The following HMCN1 variants were observed in gnomAD, a reference collection of about 807,000 sequenced individuals.
HMCN1 encodes hemicentin 1.
Under a neutral mutation model 625.9 loss-of-function variants are expected in HMCN1, and 321 were observed. That is an observed-to-expected ratio of 0.51 (90% confidence interval 0.47 to 0.56). The LOEUF (loss-of-function observed/expected upper bound fraction) is 0.56, where lower values mean the gene tolerates loss of function less well. HMCN1 is among the 20% of genes least tolerant of loss of function. HMCN1 has a pLI of 0.00. For synonymous variants in HMCN1, 2,425 were observed against 2,417.6 expected (o/e 1.00, Z -0.09); for missense variants, 6,588 against 6,887.3 (o/e 0.96, Z 1.54).
intron 25 of HMCN1, among the ~76,000 whole-genome samples, chr1:185,998,096 G>A (rs1652931842): frequency 6.6e-6 from 1 of 152,000 alleles, no homozygotes; most frequent in South Asian, 2.1e-4. Flanking sequence ...TTCTCCTCAG[G>A]GGAATGTGAA....
At chr1:186,129,905 C>A in intron 83 of HMCN1, 61 bp from the exon 84 acceptor site, 2 of 1,600,552 alleles carry the variant, frequency 1.2e-6, no homozygotes, top group Non-Finnish European at 1.7e-6. Context: ...AAATACTGAG[C>A]TGTCGTGAAA....
Position 186,187,174 on chromosome 1 carries a change from GA to G in HMCN1, c.16415-708del, listed in dbSNP as rs1653381886. 2.6e-5 allele frequency among the ~76,000 whole-genome samples: 4 copies of G among 151,970 alleles called. No homozygotes were observed. The South Asian group carries it at 8.3e-4, about 32-fold the overall frequency. On this transcript the variant is annotated intron_variant, in intron 105 of 106. Coordinates refer to ENST00000271588, the MANE Select transcript of HMCN1 (RefSeq NM_031935.3). ...TTAGTGTAGAAAACAACAAAATAAA[GA>G]GTATTTCTTTTGCGTATTTTCCCCA... is the stretch of plus-strand genomic sequence containing the variant.
intron 68 of HMCN1, among the ~76,000 whole-genome samples, chr1:186,102,012 G>T (rs1660405689): frequency 6.6e-6 from 1 of 152,130 alleles, no homozygotes; most frequent in African/African-American, 2.4e-5. Flanking sequence ...TGAGGAGCAA[G>T]AAAGGACGAA....
intron 1 of HMCN1, among the ~76,000 whole-genome samples, chr1:185,807,615 G>C (rs1557984741): frequency 1.3e-5 from 2 of 152,090 alleles, no homozygotes; most frequent in South Asian, 2.1e-4. Flanking sequence ...GTATTACTTT[G>C]TTTTGGTGTT....
chr1:186,183,174 C>A (rs1420507821), intron 105 of HMCN1, among the ~76,000 whole-genome samples: 1 of 152,084 alleles, frequency 6.6e-6, no homozygotes, highest in African/African-American at 2.4e-5. Flanking sequence ...TAAAGTATAG[C>A]AAATAAAAGC....
rs974627351 is a variant in HMCN1, at chr1:185,907,548, T to C, written c.622-1789T>C. Among the ~76,000 whole-genome samples, 6 of 152,040 alleles carry C rather than the reference T, an allele frequency of 3.9e-5. No homozygotes were observed. In the East Asian group the frequency reaches 1.2e-3, roughly 29 times the overall value. On this transcript the variant is annotated intron_variant, in intron 4 of 106. Transcript: ENST00000271588. ...GTAGTCACTCATGTTCTCAACATATTTGGAGTACTTCGGTCTCTGTCTCAG... is the reference window on the plus strand; with the variant it reads ...GTAGTCACTCATGTTCTCAACATATCTGGAGTACTTCGGTCTCTGTCTCAG...
chr1:185,993,835 G>A (rs1652604491), intron 23 of HMCN1, among the ~76,000 whole-genome samples: 1 of 151,960 alleles, frequency 6.6e-6, no homozygotes, highest in Non-Finnish European at 1.5e-5. Context: ...CTCTACACCA[G>A]GCATTGTTTA....
rs1267709037 is a variant in HMCN1, at chr1:185,994,885, T to C, written c.3576T>C (p.Cys1192=). The C allele has an allele frequency of 5.6e-6, 9 of 1,613,680 alleles. No homozygotes were observed. The highest frequency in any genetic ancestry group is 1.3e-5 in the African/African-American group (1 of 74,912). The change falls in exon 24 of 107, where the codon TGT becomes TGC. Residue 1192 remains cysteine, a synonymous_variant. Coordinates refer to ENST00000271588, the MANE Select transcript of HMCN1 (RefSeq NM_031935.3). ...TTGGTCAAAGAGTGGATATTCCATG[T>C]AATGCTCAAGGGACTCCTCTTCCTG... ...VQVGQRVDIP[C]NAQGTPLPVI... is the part of the protein sequence containing the mutation.
At chr1:185,873,219 C>T (rs1465910009) in intron 4 of HMCN1, among the ~76,000 whole-genome samples, 1 of 152,106 alleles carries the variant, frequency 6.6e-6, no homozygotes, top group Non-Finnish European at 1.5e-5. Flanking sequence ...CAGTCAATTA[C>T]CTGCATTGCT....
intron 71 of HMCN1, among the ~76,000 whole-genome samples, chr1:186,110,724 T>C (rs538393469): frequency 6.6e-6 from 1 of 152,184 alleles, no homozygotes; most frequent in South Asian, 2.1e-4. Flanking sequence ...AGGGGAGGTA[T>C]GAGACCCAGG....
At chr1:186,153,037 T>C (rs565642833) in intron 96 of HMCN1, among the ~76,000 whole-genome samples, 166 bp downstream of exon 96, 14 of 152,248 alleles carry the variant, frequency 9.2e-5, no homozygotes, top group African/African-American at 3.4e-4. Flanking sequence ...CAGGGACAAG[T>C]TTTTACAAAC....
intron 19 of HMCN1, among the ~76,000 whole-genome samples, chr1:185,985,416 G>T (rs2102012871): frequency 6.6e-6 from 1 of 152,118 alleles, no homozygotes; most frequent in South Asian, 2.1e-4. Context: ...ATCTCTCTTT[G>T]ACTTCTAGTG....
chr1:185,735,407 T>G (rs1043944750), intron 1 of HMCN1, among the ~76,000 whole-genome samples: 2 of 152,196 alleles, frequency 1.3e-5, no homozygotes, highest in Non-Finnish European at 2.9e-5. Flanking sequence ...TGGACACGAA[T>G]TTATAGCAGC....
intron 6 of HMCN1, among the ~76,000 whole-genome samples, chr1:185,917,062 A>C (rs1286311448): frequency 6.6e-6 from 1 of 152,162 alleles, no homozygotes; most frequent in East Asian, 1.9e-4. Flanking sequence ...TGACTCATGG[A>C]GAGTCAATGA....
At chr1:185,794,515 C>G (rs1343574942) in intron 1 of HMCN1, among the ~76,000 whole-genome samples, 1 of 150,222 alleles carries the variant, frequency 6.7e-6, no homozygotes, top group Non-Finnish European at 1.5e-5. Context: ...AAAAAGAGAA[C>G]TTGGAGTTTG....
At chr1:186,015,863 T>C in intron 31 of HMCN1, 95 bp from the exon 32 acceptor site, 1 of 1,207,486 alleles carries the variant, frequency 8.3e-7, no homozygotes, top group Non-Finnish European at 1.2e-6. Context: ...TGGTCAAACT[T>C]TGTGAGAAAA....
intron 1 of HMCN1, among the ~76,000 whole-genome samples, chr1:185,738,246 A>G (rs1210986539): frequency 6.6e-6 from 1 of 152,188 alleles, no homozygotes; most frequent in Non-Finnish European, 1.5e-5. Flanking sequence ...GCCACAGTCC[A>G]TTGTAGAACA....
At chr1:185,881,930 C>G (rs1205484606) in intron 4 of HMCN1, among the ~76,000 whole-genome samples, 1 of 152,090 alleles carries the variant, frequency 6.6e-6, no homozygotes, top group Non-Finnish European at 1.5e-5. Context: ...AGTGTTTTCT[C>G]TTTTTGGATT....
At chr1:185,739,405 A>G (rs1156335459) in intron 1 of HMCN1, among the ~76,000 whole-genome samples, 1 of 152,198 alleles carries the variant, frequency 6.6e-6, no homozygotes, top group Non-Finnish European at 1.5e-5. Context: ...TTGAAATACA[A>G]CATTGAGGAG....
Sources: allele counts gnomAD v4.1 joint callset (sites outside exome capture counted in the v4.1 genomes callset), GRCh38; gene constraint gnomAD v4.1.1; transcripts MANE v1.5; gene names NCBI Gene and HGNC (gene_info 2026-07-23, HGNC 2026-07-21).